Variants in TIA1 observed in about 807,000 individuals in gnomAD.
The protein encoded by TIA1 is cytotoxic granule associated RNA binding protein TIA1.
In TIA1, 23 loss-of-function variants were observed where a neutral mutation model predicts 65.9. That is an observed-to-expected ratio of 0.35 (90% CI 0.25 to 0.49). TIA1 has a LOEUF of 0.49. Among genes scored for constraint, TIA1 ranks in the 20% least tolerant of loss-of-function variants. TIA1 has a pLI of 0.98. For missense variants in TIA1, 371 were observed against 477.9 expected (o/e 0.78, Z 2.09); for synonymous variants, 147 against 149.4 (o/e 0.98, Z 0.12).
At chr2:70,223,932 A>T (rs1228523241) in intron 7 of TIA1, among the ~76,000 whole-genome samples, 3 of 151,128 alleles carry the variant, frequency 2.0e-5, no homozygotes, top group Non-Finnish European at 3.0e-5. Context: ...TTATTTATTT[A>T]TTTTTTGAGA....
chr2:70,216,030 G>A (rs549283424), intron 10 of TIA1, 178 bp downstream of exon 10: 5 of 597,320 alleles, frequency 8.4e-6, no homozygotes, highest in African/African-American at 1.9e-5. Flanking sequence ...GGGAATACAG[G>A]CGTGAGCCAC....
chr2:70,220,348 G>A (rs1680713353), intron 7 of TIA1, among the ~76,000 whole-genome samples: 1 of 152,148 alleles, frequency 6.6e-6, no homozygotes, highest in African/African-American at 2.4e-5. Context: ...GGTCAAGGCT[G>A]CAGTGAGTTG....
At chr2:70,222,913 CA>C (rs926884956) in intron 7 of TIA1, among the ~76,000 whole-genome samples, 34 of 148,856 alleles carry the variant, frequency 2.3e-4, no homozygotes, top group African/African-American at 7.4e-4. Context: ...AACTCCGTCT[CA>C]AAAAAAAAAT....
At chr2:70,213,037 C>A (rs1220430170) in intron 12 of TIA1, among the ~76,000 whole-genome samples, 192 bp from the exon 13 acceptor site, 1 of 152,104 alleles carries the variant, frequency 6.6e-6, no homozygotes, top group Non-Finnish European at 1.5e-5. Flanking sequence ...AACAAGCATC[C>A]CTGTATGTTT....
At chr2:70,226,269 A>C (rs900852093) in intron 6 of TIA1, among the ~76,000 whole-genome samples, 5 of 152,130 alleles carry the variant, frequency 3.3e-5, no homozygotes, top group Non-Finnish European at 7.4e-5. Flanking sequence ...AAATCATGAA[A>C]TTGCTAAAAT....
chr2:70,215,189 C>G (rs1678046343), intron 11 of TIA1, 182 bp downstream of exon 11: 1 of 689,888 alleles, frequency 1.4e-6, no homozygotes, highest in Non-Finnish European at 2.3e-6. Flanking sequence ...GAGGCGGTCA[C>G]ATTCATCATG....
At chr2:70,217,095 A>G in intron 7 of TIA1, 101 bp from the exon 8 acceptor site, 1 of 1,212,024 alleles carries the variant, frequency 8.3e-7, no homozygotes, top group Non-Finnish European at 1.1e-6. Flanking sequence ...CAAATGTTTA[A>G]GTGAAAATGC....
chr2:70,248,005 A>C (rs530387641), intron 1 of TIA1, among the ~76,000 whole-genome samples: 2 of 152,084 alleles, frequency 1.3e-5, no homozygotes, highest in East Asian at 3.9e-4. Context: ...TTAAAGGGAG[A>C]CGGCTGTAAA....
chr2:70,236,636 A>AT (rs1270100738), intron 1 of TIA1, among the ~76,000 whole-genome samples: 6 of 150,370 alleles, frequency 4.0e-5, no homozygotes, highest in East Asian at 2.0e-4. Flanking sequence ...ACCTCAATTT[A>AT]TTTTTTTTTC....
At chr2:70,218,984 T>C (rs184988191) in intron 7 of TIA1, among the ~76,000 whole-genome samples, 2 of 152,244 alleles carry the variant, frequency 1.3e-5, no homozygotes, top group African/African-American at 2.4e-5. Context: ...ACAGCATTTA[T>C]TGAAATGCGG....
chr2:70,230,393 A>ACGC (rs1685696276), intron 3 of TIA1, among the ~76,000 whole-genome samples: 1 of 152,108 alleles, frequency 6.6e-6, no homozygotes, highest in Non-Finnish European at 1.5e-5. Flanking sequence ...GCTCACATCT[A>ACGC]TAATCCCAAC....
chr2:70,246,759 GC>G (rs1056018493), intron 1 of TIA1, among the ~76,000 whole-genome samples: 3 of 152,000 alleles, frequency 2.0e-5, no homozygotes, highest in African/African-American at 7.3e-5. Flanking sequence ...GGTGGTGCCC[GC>G]ATGTAGTGCC....
intron 11 of TIA1, 154 bp downstream of exon 11, chr2:70,215,217 G>C (rs1226281208): frequency 2.1e-6 from 2 of 933,566 alleles, no homozygotes; most frequent in Non-Finnish European, 3.2e-6. Flanking sequence ...TGCAATCCAT[G>C]AAACACCATT....
chr2:70,213,461 CA>C (rs1312548792), intron 12 of TIA1, among the ~76,000 whole-genome samples: 6 of 151,378 alleles, frequency 4.0e-5, no homozygotes, highest in Non-Finnish European at 5.9e-5. Context: ...TCTCCTACCT[CA>C]GTCTCCCGAA....
At chr2:70,222,843 G>C (rs192601646) in intron 7 of TIA1, among the ~76,000 whole-genome samples, 1 of 152,344 alleles carries the variant, frequency 6.6e-6, no homozygotes, top group East Asian at 1.9e-4. Context: ...GAACCCAGGA[G>C]ATGGAGGTTG....
intron 1 of TIA1, among the ~76,000 whole-genome samples, chr2:70,248,172 G>A (rs1276253758): frequency 6.6e-6 from 1 of 152,206 alleles, no homozygotes; most frequent in Non-Finnish European, 1.5e-5. Flanking sequence ...CAAAGGTCAT[G>A]CAATGGTGTT....
intron 1 of TIA1, among the ~76,000 whole-genome samples, chr2:70,248,123 T>A (rs1048972411): frequency 3.3e-5 from 5 of 152,170 alleles, no homozygotes. Context: ...TTAAAGTCTT[T>A]TCTCCAGGTC....
At chr2:70,235,541 A>AGT (rs145663932) in intron 2 of TIA1, among the ~76,000 whole-genome samples, 4,755 of 147,264 alleles carry the variant, frequency 0.032, 95 homozygotes, top group Middle Eastern at 0.085. Context: ...TAGATGAATG[A>AGT]GTGTGTGTGT....
At chr2:70,232,666 C>T (rs1206845439) in intron 2 of TIA1, among the ~76,000 whole-genome samples, 3 of 149,370 alleles carry the variant, frequency 2.0e-5, no homozygotes, top group Admixed American at 6.7e-5. Context: ...GTCAGGAGTT[C>T]GAGACTAGCC....
Sources: gnomAD v4.1 joint callset for allele counts (sites outside exome capture counted in the v4.1 genomes callset) on GRCh38, gnomAD v4.1.1 for gene constraint, MANE v1.5 for transcripts, NCBI Gene and HGNC (gene_info 2026-07-23, HGNC 2026-07-21) for gene names.